CMTM4: variants seen among roughly 807,000 people sequenced by gnomAD.
CMTM4 encodes the protein CKLF like MARVEL transmembrane domain containing 4.
In CMTM4, 8 loss-of-function variants were observed where a neutral mutation model predicts 19.0. The observed-to-expected ratio is 0.42, with a 90% CI of 0.25 to 0.76. The LOEUF (loss-of-function observed/expected upper bound fraction) is 0.76, where lower values mean the gene tolerates loss of function less well. Among genes scored for constraint, CMTM4 ranks in the 30% least tolerant of loss-of-function variants. CMTM4 has a pLI of 0.27. For missense variants in CMTM4, 228 were observed against 290.2 expected (o/e 0.79, Z 1.56); for synonymous variants, 106 against 121.1 (o/e 0.88, Z 0.82).
intron 1 of CMTM4, among the ~76,000 whole-genome samples, chr16:66,681,158 G>A (rs899269718): frequency 6.6e-6 from 1 of 152,046 alleles, no homozygotes. Flanking sequence ...GGGAGGCTGA[G>A]GCAGAAGGAT....
chr16:66,631,549 A>G (rs1242009715), intron 2 of CMTM4, among the ~76,000 whole-genome samples: 1 of 152,216 alleles, frequency 6.6e-6, no homozygotes. Context: ...TGTAGAAAGA[A>G]GTAGACTTGG....
intron 1 of CMTM4, among the ~76,000 whole-genome samples, chr16:66,665,692 C>T (rs1460684206): frequency 6.6e-6 from 1 of 151,978 alleles, no homozygotes; most frequent in Admixed American, 6.6e-5. Context: ...AGGAGAATCA[C>T]TTGAACCCAG....
intron 1 of CMTM4, among the ~76,000 whole-genome samples, chr16:66,653,214 G>A (rs1305071567): frequency 1.3e-5 from 2 of 152,150 alleles, no homozygotes; most frequent in Non-Finnish European, 2.9e-5. Flanking sequence ...CTGAGAGTAA[G>A]GACACAGCAT....
the CMTM4 span, chr16:66,609,629 CT>C: frequency 6.6e-7 from 1 of 1,514,512 alleles, no homozygotes; most frequent in Non-Finnish European, 8.9e-7. The surrounding 1 kb of genome is among the most constrained non-coding windows in gnomAD (Gnocchi z 4.4). Flanking sequence ...TGGGGCCCCC[CT>C]GGGGTCTCAT....
Position 66,618,555 on chromosome 16 carries a change from A to T in CMTM4, c.*3503T>A. ...GGGTTTCTCATGTGAATCTACAAGA[A>T]AAGGTACGCCTGGGCCACACGCAGG... On this transcript the variant is annotated 3_prime_UTR_variant, in exon 4 of 4. Transcript: ENST00000394106. 13 of 985,496 alleles carry T rather than the reference A, an allele frequency of 1.3e-5. No individual in the cohort carries two copies. Among genetic ancestry groups the T allele is most frequent in the Non-Finnish European group, 1.6e-5 (13 of 829,966 alleles). The allele number at this position is 985,496 out of a possible 1,614,324, so 61.0% of individuals were successfully genotyped here. A position where few individuals can be genotyped will look rare whatever the true frequency, so the allele number is the denominator to read the frequency against.
chr16:66,625,885 C>T (rs957421725), intron 2 of CMTM4, among the ~76,000 whole-genome samples: 99 of 152,362 alleles, frequency 6.5e-4, no homozygotes, highest in African/African-American at 2.3e-3. Flanking sequence ...TTCAATCACA[C>T]TAGCCACAAT....
At position 66,620,870 on chromosome 16, in the gene CMTM4, C is replaced by T. The variant is rs1019353151; in HGVS notation, c.*1188G>A. 4 of 985,622 alleles carry T rather than the reference C, an allele frequency of 4.1e-6. No homozygotes were observed. In the African/African-American group the frequency reaches 7.0e-5, roughly 17 times the overall value. 61.1% of individuals were successfully genotyped at this position (985,622 alleles called of 1,614,324 possible). Reference sequence around the variant, plus strand: ...TACTGCATCATGGGGACTCACTGAACTCATTCACCACACACAATAATCTTC... The same window carrying T: ...TACTGCATCATGGGGACTCACTGAATTCATTCACCACACACAATAATCTTC... On this transcript the variant is annotated 3_prime_UTR_variant, in exon 4 of 4. Coordinates refer to ENST00000394106, the MANE Select transcript of CMTM4 (RefSeq NM_181521.3).
At chr16:66,689,463 G>A (rs925889382) in intron 1 of CMTM4, among the ~76,000 whole-genome samples, 5 of 152,148 alleles carry the variant, frequency 3.3e-5, no homozygotes, top group African/African-American at 9.7e-5. Flanking sequence ...CCAGGCTGGA[G>A]TGTAGTGGCA....
intron 2 of CMTM4, among the ~76,000 whole-genome samples, chr16:66,628,646 T>G (rs2015791715): frequency 6.6e-6 from 1 of 152,228 alleles, no homozygotes; most frequent in Non-Finnish European, 1.5e-5. Context: ...GCAAAGCAAT[T>G]GTTCAAGGTA....
rs1306640477 is a variant in CMTM4, at chr16:66,615,044, G to A, written c.*7014C>T. ...AACCCAAAAGCCAGGCCAGCCAGGG[G>A]ACGCCCACCCAGGGCTTCCACGTCA... On this transcript the variant is annotated 3_prime_UTR_variant, in exon 4 of 4. Coordinates refer to ENST00000394106, the MANE Select transcript of CMTM4 (RefSeq NM_181521.3). This position sits in a 1 kb window ranked among gnomAD's most constrained non-coding sequence, Gnocchi z 4.9. The A allele has an allele frequency of 1.3e-5, 2 of 152,350 alleles. No individual in the cohort carries two copies. The highest frequency in any genetic ancestry group is 1.9e-4 in the East Asian group (1 of 5,180). 9.4% of individuals were successfully genotyped at this position (152,350 alleles called of 1,614,324 possible).
chr16:66,651,260 G>C lies in CMTM4; in HGVS notation c.187-14679C>G, dbSNP rs573589158. Among the ~76,000 whole-genome samples the C allele has an allele frequency of 2.2e-4, 34 of 152,238 alleles. No individual in the cohort carries two copies. In the East Asian group the frequency reaches 6.2e-3, roughly 28 times the overall value. ...GAAGCCTCTCCGCACCATCTTTCAC[G>C]GTGTTGAGATGGGGAGTTTTAAGCC... is the stretch of plus-strand genomic sequence containing the variant. On this transcript the variant is annotated intron_variant, in intron 1 of 3. Transcript: ENST00000394106.
At chr16:66,648,391 A>G (rs975615764) in intron 1 of CMTM4, among the ~76,000 whole-genome samples, 13 of 152,170 alleles carry the variant, frequency 8.5e-5, no homozygotes, top group Admixed American at 3.9e-4. Context: ...CCTCATCATT[A>G]ATATCTTAAG....
intron 1 of CMTM4, among the ~76,000 whole-genome samples, chr16:66,648,618 A>G (rs969433041): frequency 7.9e-5 from 12 of 151,944 alleles, no homozygotes; most frequent in African/African-American, 2.9e-4. Context: ...AGATCACGCC[A>G]TTGCACTCCG....
At chr16:66,672,206 T>C (rs894377616) in intron 1 of CMTM4, among the ~76,000 whole-genome samples, 2 of 151,612 alleles carry the variant, frequency 1.3e-5, no homozygotes, top group Non-Finnish European at 2.9e-5. Context: ...GAGACCAGCC[T>C]GGCCAACATG....
downstream of CMTM4, chr16:66,612,739 C>T (rs958795842): frequency 6.2e-5 from 73 of 1,184,848 alleles, no homozygotes; most frequent in East Asian, 1.7e-3. This position sits in a 1 kb window ranked among gnomAD's most constrained non-coding sequence, Gnocchi z 6.0. Context: ...TTCTGAGTTG[C>T]AGAGGGGGCT....
Position 66,621,652 on chromosome 16 carries a change from G to T in CMTM4, c.*406C>A. On this transcript the variant is annotated 3_prime_UTR_variant, in exon 4 of 4. Coordinates refer to ENST00000394106, the MANE Select transcript of CMTM4 (RefSeq NM_181521.3). ...TGACTTGGAGCAGGTGGTGCCTAAG[G>T]CTGCCTGAGAACCACTGCCGACTGA... 9.9e-7 allele frequency: 1 copy of T among 1,013,062 alleles called. No individual in the cohort carries two copies. The highest frequency in any genetic ancestry group is 1.2e-6 in the Non-Finnish European group (1 of 844,892). The allele number at this position is 1,013,062 out of a possible 1,614,324, so 62.8% of individuals were successfully genotyped here. A position where few individuals can be genotyped will look rare whatever the true frequency, so the allele number is the denominator to read the frequency against.
chr16:66,629,266 G>C (rs939932507), intron 2 of CMTM4, among the ~76,000 whole-genome samples: 1 of 152,144 alleles, frequency 6.6e-6, no homozygotes, highest in African/African-American at 2.4e-5. Flanking sequence ...ATCCATCCAG[G>C]AGACAAGAAC....
intron 1 of CMTM4, among the ~76,000 whole-genome samples, chr16:66,693,156 G>A (rs1460056930): frequency 2.0e-5 from 3 of 152,032 alleles, no homozygotes; most frequent in Admixed American, 6.6e-5. Context: ...CCCAGGAGGC[G>A]GAGATTGCAG....
chr16:66,606,760 A>G, the CMTM4 span, among the ~76,000 whole-genome samples: 1 of 152,176 alleles, frequency 6.6e-6, no homozygotes, highest in Non-Finnish European at 1.5e-5. Flanking sequence ...TAGGAGGCCG[A>G]GGTGGGTGGA....
Sources: allele counts gnomAD v4.1 joint callset (sites outside exome capture counted in the v4.1 genomes callset), GRCh38; gene constraint gnomAD v4.1.1; non-coding constraint Gnocchi (gnomAD v3.1); transcripts MANE v1.5; gene names NCBI Gene and HGNC (gene_info 2026-07-23, HGNC 2026-07-21).